ENTREP2: variants seen among roughly 807,000 people sequenced by gnomAD.
ENTREP2 encodes protein ENTREP2.
At chr15:29,299,090 G>C in the ENTREP2 span, among the ~76,000 whole-genome samples, 1 of 152,156 alleles carries the variant, frequency 6.6e-6, no homozygotes, top group Admixed American at 6.5e-5. Context: ...CAGGAAGCTT[G>C]GTCTATCCAT....
the ENTREP2 span, chr15:29,122,848 C>T: frequency 6.4e-6 from 1 of 155,228 alleles, no homozygotes; most frequent in Non-Finnish European, 1.4e-5. Flanking sequence ...GTGATGAACG[C>T]CTAATGATAG....
chr15:29,143,535 C>T, the ENTREP2 span, among the ~76,000 whole-genome samples: 7 of 152,110 alleles, frequency 4.6e-5, no homozygotes, highest in Non-Finnish European at 1.0e-4. Context: ...CTCTGTAGGG[C>T]GCAGCACAAC....
At chr15:29,129,980 A>G in the ENTREP2 span, among the ~76,000 whole-genome samples, 3 of 152,170 alleles carry the variant, frequency 2.0e-5, no homozygotes, top group Admixed American at 2.0e-4. Flanking sequence ...GGCTCCTGCG[A>G]CTTGCTCTGA....
At chr15:29,502,382 T>A in the ENTREP2 span, among the ~76,000 whole-genome samples, 4 of 151,536 alleles carry the variant, frequency 2.6e-5, no homozygotes, top group African/African-American at 9.7e-5. Context: ...AAACTAGATA[T>A]CCACATACAA....
At chr15:29,123,345 C>G in the ENTREP2 span, 1 of 1,528,976 alleles carries the variant, frequency 6.5e-7, no homozygotes, top group Non-Finnish European at 8.8e-7. Context: ...TCCTTCATAC[C>G]TGGTCCAGAA....
At chr15:29,178,105 C>A in the ENTREP2 span, among the ~76,000 whole-genome samples, 1 of 151,886 alleles carries the variant, frequency 6.6e-6, no homozygotes, top group Non-Finnish European at 1.5e-5. Flanking sequence ...CCAGCCTGGG[C>A]AACATAGTCA....
the ENTREP2 span, among the ~76,000 whole-genome samples, chr15:29,570,269 G>A: frequency 2.6e-5 from 4 of 151,680 alleles, no homozygotes; most frequent in Non-Finnish European, 5.9e-5. Context: ...TCCAAGAAAA[G>A]TAACTCCGGG....
the ENTREP2 span, among the ~76,000 whole-genome samples, chr15:29,419,761 A>T: frequency 6.6e-6 from 1 of 152,218 alleles, no homozygotes; most frequent in Non-Finnish European, 1.5e-5. Context: ...TTTCTAACAA[A>T]ATTGATGGAA....
the ENTREP2 span, among the ~76,000 whole-genome samples, chr15:29,599,325 A>G: frequency 0.73 from 110,572 of 152,126 alleles, 40,337 homozygotes; most frequent in South Asian, 0.8. Flanking sequence ...GGATGGAGAT[A>G]GATTCAAATT....
chr15:29,552,103 A>G, the ENTREP2 span, among the ~76,000 whole-genome samples: 1 of 152,146 alleles, frequency 6.6e-6, no homozygotes, highest in African/African-American at 2.4e-5. Context: ...AAAGACACAT[A>G]AGGGCCTTCC....
At chr15:29,461,634 C>T in the ENTREP2 span, among the ~76,000 whole-genome samples, 2 of 152,120 alleles carry the variant, frequency 1.3e-5, no homozygotes, top group Admixed American at 1.3e-4. Context: ...GCCACTGTGC[C>T]AGGCTAATTT....
the ENTREP2 span, among the ~76,000 whole-genome samples, chr15:29,237,442 T>C: frequency 3.9e-5 from 6 of 152,220 alleles, no homozygotes; most frequent in African/African-American, 1.4e-4. Flanking sequence ...CTATGTTTTT[T>C]CTAAAAGTTT....
chr15:29,601,817 G>A, the ENTREP2 span, among the ~76,000 whole-genome samples: 1 of 152,156 alleles, frequency 6.6e-6, no homozygotes, highest in Non-Finnish European at 1.5e-5. Context: ...TGCTGGCAGT[G>A]CAATTGAATG....
chr15:29,207,398 A>T, the ENTREP2 span, among the ~76,000 whole-genome samples: 1 of 138,664 alleles, frequency 7.2e-6, no homozygotes, highest in Admixed American at 7.9e-5. Flanking sequence ...TATTACGAAG[A>T]GCAAGAGAAC....
the ENTREP2 span, among the ~76,000 whole-genome samples, chr15:29,458,780 C>CA: frequency 6.6e-6 from 1 of 152,222 alleles, no homozygotes; most frequent in Non-Finnish European, 1.5e-5. Flanking sequence ...GGTTTGTACT[C>CA]ACGTTCACTT....
chr15:29,161,397 A>G, the ENTREP2 span, among the ~76,000 whole-genome samples: 1 of 152,198 alleles, frequency 6.6e-6, no homozygotes, highest in East Asian at 1.9e-4. Flanking sequence ...ACTGACACAC[A>G]CTAGCCTAGA....
chr15:29,643,679 G>A, the ENTREP2 span, among the ~76,000 whole-genome samples: 1 of 151,862 alleles, frequency 6.6e-6, no homozygotes, highest in African/African-American at 2.4e-5. Context: ...TACTCTGGAG[G>A]CTGAGGCAGG....
chr15:29,142,939 A>G, the ENTREP2 span, among the ~76,000 whole-genome samples: 1 of 152,246 alleles, frequency 6.6e-6, no homozygotes, highest in Non-Finnish European at 1.5e-5. Flanking sequence ...TCAATCAACC[A>G]CATTGTATCA....
chr15:29,150,260 TCCACGCCTGCTCATGCC>T, the ENTREP2 span, among the ~76,000 whole-genome samples: 3 of 152,118 alleles, frequency 2.0e-5, no homozygotes, highest in Admixed American at 6.5e-5. Context: ...GAAGCACGGC[TCCACGCCTGCTCATGCC>T]CCACCCATCA....
Sources: gnomAD v4.1 joint callset for allele counts (sites outside exome capture counted in the v4.1 genomes callset) on GRCh38, gnomAD v4.1.1 for gene constraint, MANE v1.5 for transcripts, NCBI Gene and HGNC (gene_info 2026-07-23, HGNC 2026-07-21) for gene names.